RAPGEF4: variants seen among roughly 807,000 people sequenced by gnomAD.
RAPGEF4 encodes the protein RAP guanine-nucleotide-exchange factor (GEF) 4.
RAPGEF4 carries 66 observed loss-of-function variants against 147.9 expected under a neutral mutation model. That is an observed-to-expected ratio of 0.45 (90% CI 0.37 to 0.55). The LOEUF is 0.55. Ranked by LOEUF, RAPGEF4 falls within the 20% of genes least tolerant of loss-of-function variation. RAPGEF4 has a pLI of 0.00. For synonymous variants in RAPGEF4, 419 were observed against 442.7 expected (o/e 0.95, Z 0.67); for missense variants, 1,071 against 1,257.3 (o/e 0.85, Z 2.24).
At chr2:173,021,832 A>G (rs1410867789) in intron 23 of RAPGEF4, among the ~76,000 whole-genome samples, 2 of 152,000 alleles carry the variant, frequency 1.3e-5, no homozygotes, top group African/African-American at 4.8e-5. Context: ...GTGGATTTTT[A>G]CCATATTTTG....
intron 4 of RAPGEF4, among the ~76,000 whole-genome samples, chr2:172,842,532 A>G (rs1212957857): frequency 6.6e-6 from 1 of 152,230 alleles, no homozygotes; most frequent in Non-Finnish European, 1.5e-5. Flanking sequence ...GGGGCAACAC[A>G]CAGGAGGCTG....
At chr2:172,821,845 C>A (rs527981265) in intron 4 of RAPGEF4, 8 of 1,490,578 alleles carry the variant, frequency 5.4e-6, no homozygotes, top group Non-Finnish European at 6.3e-6. Context: ...GACTGAGAGC[C>A]ACTCAGTAGT....
chr2:172,870,637 G>T (rs913464591), intron 4 of RAPGEF4, among the ~76,000 whole-genome samples: 3 of 152,092 alleles, frequency 2.0e-5, no homozygotes, highest in Non-Finnish European at 4.4e-5. Flanking sequence ...GGTGGTAATG[G>T]CTTCAGTCAC....
intron 6 of RAPGEF4, among the ~76,000 whole-genome samples, chr2:172,946,690 T>C (rs1219570913): frequency 1.3e-5 from 2 of 152,196 alleles, no homozygotes; most frequent in African/African-American, 2.4e-5. Flanking sequence ...TGAACCACCC[T>C]GGACAACTGT....
chr2:172,795,726 C>G (rs1490385498), intron 2 of RAPGEF4, among the ~76,000 whole-genome samples: 1 of 151,774 alleles, frequency 6.6e-6, no homozygotes, highest in Non-Finnish European at 1.5e-5. Context: ...ATGACTTATA[C>G]AAGAAGAAAA....
intron 4 of RAPGEF4, among the ~76,000 whole-genome samples, chr2:172,908,313 A>C (rs548282171): frequency 6.6e-6 from 1 of 152,368 alleles, no homozygotes; most frequent in African/African-American, 2.4e-5. Context: ...GCTCCTGTTT[A>C]TTCTTCTCAC....
intron 4 of RAPGEF4, among the ~76,000 whole-genome samples, chr2:172,845,370 A>G (rs938793816): frequency 1.3e-5 from 2 of 152,190 alleles, no homozygotes; most frequent in Non-Finnish European, 2.9e-5. Context: ...ATGGCCCTGC[A>G]TGTGTTGTTT....
intron 4 of RAPGEF4, among the ~76,000 whole-genome samples, chr2:172,851,952 A>AAAAT (rs1284497685): frequency 6.6e-6 from 1 of 152,236 alleles, no homozygotes; most frequent in African/African-American, 2.4e-5. Flanking sequence ...CCCTGAAACT[A>AAAAT]AAATAAAAGT....
chr2:172,931,817 A>G (rs756353605), intron 6 of RAPGEF4, among the ~76,000 whole-genome samples: 61 of 152,148 alleles, frequency 4.0e-4, no homozygotes, highest in Non-Finnish European at 6.5e-4. Context: ...TTCTCCTTTT[A>G]TAAGTGTCAA....
intron 29 of RAPGEF4, chr2:173,048,341 C>A: frequency 1.6e-6 from 1 of 633,110 alleles, no homozygotes; most frequent in Non-Finnish European, 2.3e-6. Context: ...ATGTTTTTTA[C>A]ATCATGGGGA....
At position 172,869,870 on chromosome 2, in the gene RAPGEF4, C is replaced by G. The variant is rs1285503646; in HGVS notation, c.445-47932C>G. Among the ~76,000 whole-genome samples the G allele has an allele frequency of 6.6e-5, 10 of 152,180 alleles. No homozygotes were observed. The East Asian group carries it at 1.5e-3, about 23-fold the overall frequency. On this transcript the variant is annotated intron_variant, in intron 4 of 30. Transcript: ENST00000397081. ...AATATAAAATGTAGAGGTAAAGTGT[C>G]TTTTTATATGGGCTGCAGATACTAT...
intron 10 of RAPGEF4, among the ~76,000 whole-genome samples, chr2:172,971,856 T>C (rs141954059): frequency 2.4e-4 from 36 of 152,316 alleles, no homozygotes; most frequent in African/African-American, 7.9e-4. Flanking sequence ...AGTATCATTG[T>C]TGTCTTGAAG....
intron 28 of RAPGEF4, 64 bp from the exon 29 acceptor site, chr2:173,036,564 T>C (rs1684038266): frequency 7.9e-7 from 1 of 1,262,066 alleles, no homozygotes; most frequent in South Asian, 1.3e-5. Flanking sequence ...AATGGTGCTA[T>C]TGTGCTTTCT....
chr2:172,910,816 A>G (rs1028546678), intron 4 of RAPGEF4, among the ~76,000 whole-genome samples: 1 of 152,198 alleles, frequency 6.6e-6, no homozygotes, highest in Non-Finnish European at 1.5e-5. Flanking sequence ...AGAAGCTGCA[A>G]GGCTTCTTCT....
chr2:173,019,705 C>T (rs16861179), intron 22 of RAPGEF4, among the ~76,000 whole-genome samples: 2,911 of 152,268 alleles, frequency 0.019, 105 homozygotes, highest in African/African-American at 0.065. Context: ...TTGCACAAGG[C>T]CCAGGATGTC....
chr2:172,801,035 C>T (rs968235820), intron 3 of RAPGEF4, among the ~76,000 whole-genome samples: 3 of 152,058 alleles, frequency 2.0e-5, no homozygotes, highest in South Asian at 4.1e-4. Context: ...TTGTGTGGCT[C>T]GTGTGAGGGG....
intron 3 of RAPGEF4, among the ~76,000 whole-genome samples, chr2:172,806,228 A>G (rs1433928271): frequency 6.6e-6 from 1 of 152,192 alleles, no homozygotes; most frequent in Non-Finnish European, 1.5e-5. Flanking sequence ...CAGTCATAGG[A>G]AAGAAGAATT....
At chr2:172,862,037 A>G (rs1482537476) in intron 4 of RAPGEF4, among the ~76,000 whole-genome samples, 1 of 152,204 alleles carries the variant, frequency 6.6e-6, no homozygotes, top group East Asian at 1.9e-4. Flanking sequence ...TGAGGTATTG[A>G]TTAGGCGATG....
chr2:172,908,973 C>T (rs2149996471), intron 4 of RAPGEF4, among the ~76,000 whole-genome samples: 1 of 152,316 alleles, frequency 6.6e-6, no homozygotes, highest in East Asian at 1.9e-4. Flanking sequence ...GATTTCCTAA[C>T]TGCCTTTAGA....
Sources: allele counts gnomAD v4.1 joint callset (sites outside exome capture counted in the v4.1 genomes callset), GRCh38; gene constraint gnomAD v4.1.1; transcripts MANE v1.5; gene names NCBI Gene and HGNC (gene_info 2026-07-23, HGNC 2026-07-21).